MBD2: variants seen among roughly 807,000 people sequenced by gnomAD.
MBD2 encodes the protein methyl-CpG binding domain protein 2, also known as methyl-CpG-binding domain protein 2.
In MBD2, 9 loss-of-function variants were observed where a neutral mutation model predicts 39.3. The ratio of observed to expected loss-of-function variants is 0.23; its 90% CI spans 0.14 to 0.40. The LOEUF (loss-of-function observed/expected upper bound fraction) is 0.40, where lower values mean the gene tolerates loss of function less well. Ranked by LOEUF, MBD2 falls within the 10% of genes least tolerant of loss-of-function variation. MBD2 has a pLI of 1.00. For synonymous variants in MBD2, 233 were observed against 211.1 expected, an observed-to-expected ratio of 1.10 and a Z score of -0.90; for missense variants, 458 against 532.6, an observed-to-expected ratio of 0.86 and a Z score of 1.38.
At chr18:54,165,281 C>T (rs1314417714) in intron 4 of MBD2, among the ~76,000 whole-genome samples, 1 of 152,080 alleles carries the variant, frequency 6.6e-6, no homozygotes, top group African/African-American at 2.4e-5. Context: ...ACAAAATATC[C>T]AAAATCAGAG....
intron 3 of MBD2, among the ~76,000 whole-genome samples, chr18:54,171,731 C>T (rs2086180990): frequency 6.6e-6 from 1 of 152,230 alleles, no homozygotes; most frequent in African/African-American, 2.4e-5. Context: ...TAGCCATCAA[C>T]ACCTTTCCAT....
At chr18:54,223,425 G>A (rs569132084) in intron 1 of MBD2, among the ~76,000 whole-genome samples, 2 of 152,328 alleles carry the variant, frequency 1.3e-5, no homozygotes, top group East Asian at 1.9e-4. Context: ...AATGTCTCCA[G>A]ACATTGACAA....
chr18:54,216,616 C>G (rs1457907217), intron 1 of MBD2, among the ~76,000 whole-genome samples: 2 of 152,110 alleles, frequency 1.3e-5, no homozygotes, highest in Non-Finnish European at 2.9e-5. Flanking sequence ...TTTCCCATTT[C>G]TGCTAGGGGA....
rs1264155890 is a variant in MBD2, at chr18:54,153,943, ATATTGCTTTGACT to A, written c.*1368_*1380del. 2.4e-4 allele frequency: 36 copies of A among 152,386 alleles called. No homozygotes were observed. Among genetic ancestry groups the A allele is most frequent in the African/African-American group, 7.5e-4 (31 of 41,552 alleles). The allele number at this position is 152,386 out of a possible 1,614,324, so 9.4% of individuals were successfully genotyped here. ...AACAGCAGCCCAAACCTAGCTAGTCATATTGCTTTGACTATTCCCCTCTTCTTCCCTGCCTTGG... is the reference window on the plus strand; with the variant it reads ...AACAGCAGCCCAAACCTAGCTAGTCAATTCCCCTCTTCTTCCCTGCCTTGG... On this transcript the variant is annotated 3_prime_UTR_variant, in exon 7 of 7. Transcript: ENST00000256429.
intron 2 of MBD2, among the ~76,000 whole-genome samples, chr18:54,199,343 T>C (rs2086388983): frequency 6.6e-6 from 1 of 152,238 alleles, no homozygotes; most frequent in Admixed American, 6.5e-5. Flanking sequence ...TTCCAGGTTG[T>C]TGTAACACCA....
chr18:54,166,196 T>C (rs765006571), intron 3 of MBD2, 30 bp from the exon 4 acceptor site: 4 of 1,379,276 alleles, frequency 2.9e-6, no homozygotes, highest in African/African-American at 1.4e-5. Flanking sequence ...TGTTAATAGA[T>C]ACATTTTTGA....
In MBD2 at chr18:54,224,485, G is replaced by A; in HGVS notation, c.75C>T (p.Gly25=). Residue 25 remains glycine, a synonymous_variant, in exon 1 of 7, where the codon GGC becomes GGT. Transcript: ENST00000256429. ...EEGESAAGGS[G]AGGDSAIEQG... is the part of the protein sequence containing the mutation. ...GCTCTATGGCGGAGTCGCCGCCAGC[G>A]CCGCTGCCGCCCGCCGCACTCTCCC... The A allele has an allele frequency of 1.6e-6, 2 of 1,231,572 alleles. No individual in the cohort carries two copies. The highest frequency in any genetic ancestry group is 2.0e-6 in the Non-Finnish European group (2 of 989,008). The allele number at this position is 1,231,572 out of a possible 1,614,324, so 76.3% of individuals were successfully genotyped here. A position where few individuals can be genotyped will look rare whatever the true frequency, so the allele number is the denominator to read the frequency against.
chr18:54,194,802 A>G (rs769107386), intron 2 of MBD2, among the ~76,000 whole-genome samples: 23 of 152,034 alleles, frequency 1.5e-4, no homozygotes, highest in Non-Finnish European at 2.6e-4. Context: ...GTAACAGTGA[A>G]CCATCAAAAA....
intron 1 of MBD2, among the ~76,000 whole-genome samples, chr18:54,212,475 T>C (rs1191268005): frequency 6.6e-6 from 1 of 152,244 alleles, no homozygotes; most frequent in Non-Finnish European, 1.5e-5. Flanking sequence ...TACTTATTTA[T>C]GAATGAACTT....
intron 3 of MBD2, 105 bp from the exon 4 acceptor site, chr18:54,166,271 T>A (rs904792909): frequency 1.1e-5 from 8 of 698,452 alleles, no homozygotes; most frequent in African/African-American, 1.1e-4. Context: ...TAGTTTCCTA[T>A]AATTTCCTCA....
Position 54,182,449 on chromosome 18 carries a change from G to C in MBD2, c.840+6425C>G, listed in dbSNP as rs115956871. ...ATCTGATCAAGGTATGTAAGGGTCA[G>C]GGGTAGGGGATGAATAGCATATGCA... is the stretch of plus-strand genomic sequence containing the variant. On this transcript the variant is annotated intron_variant, in intron 3 of 6. Coordinates refer to ENST00000256429, the MANE Select transcript of MBD2 (RefSeq NM_003927.5). Among the ~76,000 whole-genome samples the C allele has an allele frequency of 4.6e-3, 697 of 152,290 alleles. 6 individuals are homozygous for C. The highest frequency in any genetic ancestry group is 0.017 in the African/African-American group (686 of 41,540).
intron 2 of MBD2, among the ~76,000 whole-genome samples, chr18:54,199,455 C>T (rs977187196): frequency 6.6e-6 from 1 of 152,204 alleles, no homozygotes; most frequent in Non-Finnish European, 1.5e-5. Flanking sequence ...ACAAGATACA[C>T]TTCATTTGTC....
chr18:54,160,041 G>T (rs901936159), intron 5 of MBD2, 138 bp from the exon 6 acceptor site: 2 of 988,634 alleles, frequency 2.0e-6, no homozygotes, highest in East Asian at 2.7e-5. Flanking sequence ...TTTTGCAGAG[G>T]TTGCTTCTAC....
Position 54,197,880 on chromosome 18 carries a change from C to T in MBD2, c.702+7118G>A, listed in dbSNP as rs139582906. ...CTTATCCCTTGGAGGGACTTTAGGG[C>T]CTAGAAATGCTAGACTTATCACCTA... is the stretch of plus-strand genomic sequence containing the variant. On this transcript the variant is annotated intron_variant, in intron 2 of 6. Transcript: ENST00000256429. Among the ~76,000 whole-genome samples, 78 of 152,296 alleles carry T rather than the reference C, an allele frequency of 5.1e-4. No homozygotes were observed. The East Asian group carries it at 0.013, about 25-fold the overall frequency.
chr18:54,165,459 A>G (rs569230706), intron 4 of MBD2, among the ~76,000 whole-genome samples: 29 of 152,316 alleles, frequency 1.9e-4, no homozygotes, highest in African/African-American at 7.0e-4. Flanking sequence ...TTTTTGAGCA[A>G]TCCACAATAT....
At chr18:54,174,239 GAAGTGAGGCAGT>G (rs766101635) in intron 3 of MBD2, among the ~76,000 whole-genome samples, 1 of 152,214 alleles carries the variant, frequency 6.6e-6, no homozygotes, top group East Asian at 1.9e-4. Context: ...AGGTAGGTGG[GAAGTGAGGCAGT>G]AAGAGGAAAT....
Position 54,224,604 on chromosome 18 carries a change from C to T in MBD2, c.-45G>A. On this transcript the variant is annotated 5_prime_UTR_variant, in exon 1 of 7. Coordinates refer to ENST00000256429, the MANE Select transcript of MBD2 (RefSeq NM_003927.5). The stretch of plus-strand genomic sequence containing the variant: ...GCGCTGCGCTTCTTCCGTAACCGAG[C>T]CCTTGGAATCCCGGAGACCCGCCCC... The T allele has an allele frequency of 1.7e-6, 2 of 1,209,058 alleles. No homozygotes were observed. Among genetic ancestry groups the T allele is most frequent in the Non-Finnish European group, 2.1e-6 (2 of 968,152 alleles). 74.9% of individuals were successfully genotyped at this position (1,209,058 alleles called of 1,614,324 possible).
chr18:54,165,469 T>C (rs969161013), intron 4 of MBD2, among the ~76,000 whole-genome samples: 2 of 152,306 alleles, frequency 1.3e-5, no homozygotes, highest in South Asian at 2.1e-4. Context: ...ATCCACAATA[T>C]ATCAAGCTTT....
chr18:54,182,783 T>G (rs2086259698), intron 3 of MBD2, among the ~76,000 whole-genome samples: 1 of 151,988 alleles, frequency 6.6e-6, no homozygotes. Context: ...AAACACAAAA[T>G]TAGCCAGGCA....
Sources: allele counts gnomAD v4.1 joint callset (sites outside exome capture counted in the v4.1 genomes callset), GRCh38; gene constraint gnomAD v4.1.1; transcripts MANE v1.5; gene names NCBI Gene and HGNC (gene_info 2026-07-23, HGNC 2026-07-21).